SIAH3: variants seen among roughly 807,000 people sequenced by gnomAD.
SIAH3 encodes the protein siah E3 ubiquitin protein ligase family member 3.
SIAH3 carries 9 observed loss-of-function variants against 12.6 expected under a neutral mutation model. The ratio of observed to expected loss-of-function variants is 0.72; its 90% CI spans 0.43 to 1.25. The LOEUF (loss-of-function observed/expected upper bound fraction) is 1.25, where lower values mean the gene tolerates loss of function less well. Ranked by LOEUF, SIAH3 falls within the 50% of genes most tolerant of loss-of-function variation. The pLI is 0.00. For missense variants in SIAH3, 390 were observed against 365.4 expected (o/e 1.07, Z -0.55); for synonymous variants, 154 against 151.1 (o/e 1.02, Z -0.14).
rs891026907 is a variant in SIAH3 at position 45,851,743 on chromosome 13, C to T, written c.-114G>A. 2.3e-6 allele frequency: 3 copies of T among 1,314,138 alleles called. No homozygotes were observed. The highest frequency in any genetic ancestry group is 3.2e-6 in the Non-Finnish European group (3 of 946,314). The allele number at this position is 1,314,138 out of a possible 1,614,324, so 81.4% of individuals were successfully genotyped here. A position where few individuals can be genotyped will look rare whatever the true frequency, so the allele number is the denominator to read the frequency against. Reference sequence around the variant, plus strand: ...CTCCGCTCCAGCCCGGCTTAGCGCGCCTTCATATTCATCATCAAAATAAGA... The same window carrying T: ...CTCCGCTCCAGCCCGGCTTAGCGCGTCTTCATATTCATCATCAAAATAAGA... On this transcript the variant is annotated 5_prime_UTR_variant, in exon 1 of 2. Transcript: ENST00000400405.
At chr13:45,807,775 G>A (rs942871410) in intron 1 of SIAH3, among the ~76,000 whole-genome samples, 2 of 152,152 alleles carry the variant, frequency 1.3e-5, no homozygotes, top group Non-Finnish European at 2.9e-5. Context: ...CCTCCAAATC[G>A]AATCATTGAC....
intron 1 of SIAH3, among the ~76,000 whole-genome samples, chr13:45,789,465 G>C (rs1327408903): frequency 6.6e-6 from 1 of 152,126 alleles, no homozygotes; most frequent in East Asian, 1.9e-4. Flanking sequence ...GGAATGCAGC[G>C]ACGTGATCTC....
chr13:45,814,066 G>A (rs1210351049), intron 1 of SIAH3, among the ~76,000 whole-genome samples: 4 of 151,828 alleles, frequency 2.6e-5, no homozygotes, highest in Admixed American at 6.6e-5. Context: ...GTGAAACCCC[G>A]TTTCTACTAA....
intron 1 of SIAH3, among the ~76,000 whole-genome samples, chr13:45,793,189 A>G (rs1419244101): frequency 1.3e-5 from 2 of 152,142 alleles, no homozygotes; most frequent in African/African-American, 4.8e-5. Flanking sequence ...AACCTTTGAG[A>G]GGAGGCAGGT....
intron 1 of SIAH3, among the ~76,000 whole-genome samples, chr13:45,789,410 A>ATCTATCTATCTATCTG (rs1846215272): frequency 7.0e-6 from 1 of 142,536 alleles, no homozygotes; most frequent in African/African-American, 2.5e-5. Flanking sequence ...CTATCTATCT[A>ATCTATCTATCTATCTG]TCTATCTATA....
intron 1 of SIAH3, among the ~76,000 whole-genome samples, chr13:45,808,349 C>G (rs2896915): frequency 6.6e-6 from 1 of 152,130 alleles, no homozygotes; most frequent in Admixed American, 6.5e-5. Flanking sequence ...AAATAGTTCA[C>G]GTCACTGAGC....
intron 1 of SIAH3, among the ~76,000 whole-genome samples, chr13:45,790,271 G>A (rs1257322789): frequency 6.6e-6 from 1 of 152,172 alleles, no homozygotes; most frequent in Non-Finnish European, 1.5e-5. Context: ...GAGGCTAATA[G>A]GCTGTGACTT....
chr13:45,842,647 C>T (rs10161728), intron 1 of SIAH3, among the ~76,000 whole-genome samples: 2,134 of 152,268 alleles, frequency 0.014, 42 homozygotes, highest in African/African-American at 0.048. Context: ...CGTGCCTGGC[C>T]TGTACATCGT....
intron 1 of SIAH3, among the ~76,000 whole-genome samples, chr13:45,795,640 G>A (rs956882614): frequency 5.3e-5 from 8 of 152,156 alleles, no homozygotes; most frequent in Admixed American, 1.3e-4. Context: ...CAGGAGTCTC[G>A]TGTCTTCTAC....
rs1431000332 is a variant in SIAH3, at chr13:45,781,509, G to C, written c.*1874C>G. The C allele has an allele frequency of 1.3e-5, 2 of 152,336 alleles. No homozygotes were observed. The highest frequency in any genetic ancestry group is 1.9e-4 in the East Asian group (1 of 5,180). The allele number at this position is 152,336 out of a possible 1,614,324, so 9.4% of individuals were successfully genotyped here. A position where few individuals can be genotyped will look rare whatever the true frequency, so the allele number is the denominator to read the frequency against. Reference sequence around the variant, plus strand: ...TGGTGCCCTGGCAGGGCATCTGAGAGCTCAAAGAATGCGCAGGCCCCAATC... The same window carrying C: ...TGGTGCCCTGGCAGGGCATCTGAGACCTCAAAGAATGCGCAGGCCCCAATC... On this transcript the variant is annotated 3_prime_UTR_variant, in exon 2 of 2. Transcript: ENST00000400405.
chr13:45,849,804 A>C (rs543516058), intron 1 of SIAH3, among the ~76,000 whole-genome samples: 58 of 152,370 alleles, frequency 3.8e-4, no homozygotes, highest in African/African-American at 1.4e-3. Context: ...TGCAAACTTC[A>C]GAAATGCTAA....
intron 1 of SIAH3, among the ~76,000 whole-genome samples, chr13:45,822,224 C>T (rs1950658450): frequency 6.6e-6 from 1 of 152,124 alleles, no homozygotes; most frequent in South Asian, 2.1e-4. Flanking sequence ...TGCCATGATT[C>T]AGGAACAGAG....
At chr13:45,839,431 TA>T (rs1216340043) in intron 1 of SIAH3, among the ~76,000 whole-genome samples, 2 of 152,160 alleles carry the variant, frequency 1.3e-5, no homozygotes, top group African/African-American at 4.8e-5. Context: ...ACCCATTTCT[TA>T]AAAAAACATG....
At chr13:45,817,028 G>C (rs1272710846) in intron 1 of SIAH3, among the ~76,000 whole-genome samples, 2 of 152,178 alleles carry the variant, frequency 1.3e-5, no homozygotes, top group Non-Finnish European at 2.9e-5. Context: ...GGTAAAATAG[G>C]AATAATATCA....
intron 1 of SIAH3, among the ~76,000 whole-genome samples, chr13:45,850,172 A>C (rs963111992): frequency 6.6e-6 from 1 of 152,198 alleles, no homozygotes; most frequent in Non-Finnish European, 1.5e-5. Flanking sequence ...CAGATGCACC[A>C]TAGGGGTCCC....
intron 1 of SIAH3, among the ~76,000 whole-genome samples, chr13:45,831,662 A>T (rs886593990): frequency 3.9e-5 from 6 of 152,204 alleles, no homozygotes; most frequent in South Asian, 2.1e-4. Context: ...ACTGTTTCAG[A>T]CAGCGGTGAG....
At chr13:45,814,612 C>T (rs1338933320) in intron 1 of SIAH3, among the ~76,000 whole-genome samples, 3 of 152,164 alleles carry the variant, frequency 2.0e-5, no homozygotes, top group Non-Finnish European at 2.9e-5. Context: ...GCTTCTCAGC[C>T]CCTCCCCACA....
intron 1 of SIAH3, among the ~76,000 whole-genome samples, chr13:45,827,629 G>C (rs1028943124): frequency 5.9e-5 from 9 of 152,056 alleles, no homozygotes; most frequent in African/African-American, 2.2e-4. Context: ...CTCAGTATAG[G>C]TGGTTTGCTC....
chr13:45,828,018 A>G (rs1169929812), intron 1 of SIAH3, among the ~76,000 whole-genome samples: 1 of 152,196 alleles, frequency 6.6e-6, no homozygotes, highest in Non-Finnish European at 1.5e-5. Flanking sequence ...ACTGGGCCCC[A>G]CAAATTAGGT....
Sources: gnomAD v4.1 joint callset for allele counts (sites outside exome capture counted in the v4.1 genomes callset) on GRCh38, gnomAD v4.1.1 for gene constraint, MANE v1.5 for transcripts, NCBI Gene and HGNC (gene_info 2026-07-23, HGNC 2026-07-21) for gene names.